The following NRXN1 variants were observed in gnomAD, a reference collection of about 807,000 sequenced individuals.
The protein encoded by NRXN1 is neurexin 1.
A neutral mutation model predicts 150.9 loss-of-function variants in NRXN1; 39 were observed. The observed-to-expected ratio is 0.26, with a 90% confidence interval of 0.20 to 0.34. The LOEUF (loss-of-function observed/expected upper bound fraction) is 0.34. NRXN1 is among the 10% of genes least tolerant of loss of function. The probability of loss-of-function intolerance (pLI) is 1.00; values close to 1 mark genes in which losing one functional copy is unlikely to be tolerated. For missense variants in NRXN1, 1,815 were observed against 1,949.9 expected (o/e 0.93, Z 1.30); for synonymous variants, 924 against 757.0 (o/e 1.22, Z -3.62).
intron 2 of NRXN1, among the ~76,000 whole-genome samples, chr2:50,985,217 C>T (rs894998004): frequency 3.3e-5 from 5 of 151,740 alleles, no homozygotes; most frequent in Non-Finnish European, 7.4e-5. Flanking sequence ...GTAAATATCA[C>T]CAACATCCAT....
chr2:51,005,075 T>G (rs1417636213), intron 2 of NRXN1, among the ~76,000 whole-genome samples: 1 of 151,994 alleles, frequency 6.6e-6, no homozygotes, highest in African/African-American at 2.4e-5. Context: ...TCTTGTGATT[T>G]CTTTGTTTCT....
chr2:50,699,987 T>A (rs1043181885), intron 5 of NRXN1, among the ~76,000 whole-genome samples: 1 of 152,098 alleles, frequency 6.6e-6, no homozygotes, highest in Admixed American at 6.5e-5. Flanking sequence ...CTTCTTTAAC[T>A]TACAAATTAT....
At chr2:50,616,122 C>T (rs914986817) in intron 8 of NRXN1, 1 of 151,380 alleles carries the variant, frequency 6.6e-6, no homozygotes, top group African/African-American at 2.4e-5. Context: ...AGTCATTTTT[C>T]AATGAGTACA....
At chr2:50,994,513 C>T (rs1022872352) in intron 2 of NRXN1, among the ~76,000 whole-genome samples, 1 of 151,956 alleles carries the variant, frequency 6.6e-6, no homozygotes, top group Non-Finnish European at 1.5e-5. Flanking sequence ...ACAGAATGTA[C>T]ATGCCAAGGA....
At chr2:50,375,983 C>A (rs1376178668) in intron 17 of NRXN1, among the ~76,000 whole-genome samples, 2 of 151,484 alleles carry the variant, frequency 1.3e-5, no homozygotes, top group African/African-American at 4.9e-5. Context: ...CTCTGGAGGA[C>A]AAAATATTCT....
intron 17 of NRXN1, among the ~76,000 whole-genome samples, chr2:50,269,126 T>C (rs1422484399): frequency 6.6e-6 from 1 of 152,204 alleles, no homozygotes; most frequent in Non-Finnish European, 1.5e-5. Context: ...GAAAGTGCCT[T>C]GCCTAAGATC....
chr2:50,969,486 A>G (rs1327709877), intron 2 of NRXN1, among the ~76,000 whole-genome samples: 1 of 152,174 alleles, frequency 6.6e-6, no homozygotes, highest in Non-Finnish European at 1.5e-5. Flanking sequence ...ATGGTAATTT[A>G]TCAGTGGCTT....
At chr2:50,263,535 T>A (rs1030565930) in intron 17 of NRXN1, among the ~76,000 whole-genome samples, 3 of 152,084 alleles carry the variant, frequency 2.0e-5, no homozygotes, top group African/African-American at 7.2e-5. Flanking sequence ...ACAAATAGGC[T>A]TAATTACAGT....
At chr2:50,738,292 G>A (rs992002304) in intron 5 of NRXN1, among the ~76,000 whole-genome samples, 1 of 152,170 alleles carries the variant, frequency 6.6e-6, no homozygotes, top group Admixed American at 6.5e-5. Context: ...ATGCTCCACT[G>A]ACCCTAACTA....
intron 5 of NRXN1, among the ~76,000 whole-genome samples, chr2:50,827,592 AT>A (rs1212407820): frequency 6.6e-6 from 1 of 152,208 alleles, no homozygotes; most frequent in Non-Finnish European, 1.5e-5. Flanking sequence ...TCTAAAATTA[AT>A]GTTTTTATTT....
At chr2:50,481,175 G>A (rs1289550035) in intron 15 of NRXN1, among the ~76,000 whole-genome samples, 4 of 152,166 alleles carry the variant, frequency 2.6e-5, no homozygotes, top group Non-Finnish European at 4.4e-5. Flanking sequence ...AGACTGACAC[G>A]CACATGTACA....
intron 5 of NRXN1, among the ~76,000 whole-genome samples, chr2:50,625,317 C>T (rs1680819660): frequency 6.6e-6 from 1 of 152,020 alleles, no homozygotes; most frequent in Non-Finnish European, 1.5e-5. Context: ...CGGTGAGCAC[C>T]TACAGGTATT....
At chr2:50,890,007 T>C (rs1268798953) in intron 5 of NRXN1, among the ~76,000 whole-genome samples, 1 of 150,718 alleles carries the variant, frequency 6.6e-6, no homozygotes, top group East Asian at 1.9e-4. Context: ...TAATGCTGCA[T>C]GTTAATAACT....
At chr2:50,775,962 G>A (rs922491631) in intron 5 of NRXN1, among the ~76,000 whole-genome samples, 4 of 152,110 alleles carry the variant, frequency 2.6e-5, no homozygotes, top group Middle Eastern at 3.4e-3. Flanking sequence ...ATAAGAAAGC[G>A]TCACAGTCTC....
intron 19 of NRXN1, among the ~76,000 whole-genome samples, chr2:50,061,062 C>A (rs1304504750): frequency 6.6e-6 from 1 of 152,082 alleles, no homozygotes; most frequent in African/African-American, 2.4e-5. Flanking sequence ...TTTTCCTTTA[C>A]CTCATGATTT....
At chr2:50,693,862 G>T (rs79740545) in intron 5 of NRXN1, among the ~76,000 whole-genome samples, 12,028 of 152,212 alleles carry the variant, frequency 0.079, 610 homozygotes, top group Non-Finnish European at 0.11. Context: ...TGCAACCGTA[G>T]CTTATTGCAG....
chr2:50,936,125 T>C (rs1235126039), intron 2 of NRXN1, among the ~76,000 whole-genome samples: 2 of 152,150 alleles, frequency 1.3e-5, no homozygotes, highest in African/African-American at 4.8e-5. Context: ...AGCTGTTGTT[T>C]GGAAAATAAA....
chr2:50,792,089 T>C (rs1006925099), intron 5 of NRXN1, among the ~76,000 whole-genome samples: 3 of 152,036 alleles, frequency 2.0e-5, no homozygotes, highest in African/African-American at 7.2e-5. Context: ...TGAAATGTAG[T>C]ATATCGGAAG....
intron 21 of NRXN1, among the ~76,000 whole-genome samples, chr2:49,987,191 T>C (rs1681069821): frequency 6.6e-6 from 1 of 152,126 alleles, no homozygotes; most frequent in Admixed American, 6.6e-5. Flanking sequence ...CCTTTACCTT[T>C]CCCAGCCTAC....
Sources: gnomAD v4.1 joint callset for allele counts (sites outside exome capture counted in the v4.1 genomes callset) on GRCh38, gnomAD v4.1.1 for gene constraint, MANE v1.5 for transcripts, NCBI Gene and HGNC (gene_info 2026-07-23, HGNC 2026-07-21) for gene names.